Variants in TAFA2 observed in about 807,000 individuals in gnomAD.
TAFA2 encodes chemokine-like protein TAFA-2.
TAFA2 carries 7 observed loss-of-function variants against 18.8 expected under a neutral mutation model. That is an observed-to-expected ratio of 0.37 (90% CI 0.21 to 0.70). The LOEUF (loss-of-function observed/expected upper bound fraction) is 0.70, where lower values mean the gene tolerates loss of function less well. Among genes scored for constraint, TAFA2 ranks in the 30% least tolerant of loss-of-function variants. The pLI, the probability that TAFA2 is intolerant of heterozygous loss-of-function variation, is 0.53. For synonymous variants in TAFA2, 60 were observed against 54.2 expected (o/e 1.11, Z -0.47); for missense variants, 122 against 158.1 (o/e 0.77, Z 1.23).
chr12:61,954,889 G>T (rs1446703256), intron 1 of TAFA2, among the ~76,000 whole-genome samples: 2 of 152,068 alleles, frequency 1.3e-5, no homozygotes, highest in Admixed American at 6.5e-5. Context: ...CTATTTCAGG[G>T]TTCATTGACT....
intron 1 of TAFA2, among the ~76,000 whole-genome samples, chr12:61,900,285 T>A (rs191286409): frequency 6.6e-6 from 1 of 152,200 alleles, no homozygotes; most frequent in East Asian, 1.9e-4. Flanking sequence ...GCCTAAATAG[T>A]TTTCCAAAGT....
At chr12:61,757,055 TG>T (rs1337723145) in intron 2 of TAFA2, among the ~76,000 whole-genome samples, 1 of 152,056 alleles carries the variant, frequency 6.6e-6, no homozygotes, top group East Asian at 1.9e-4. Context: ...TCTTCCTGCA[TG>T]GGAAATCTTT....
chr12:61,983,578 T>C (rs1032704660), intron 1 of TAFA2, among the ~76,000 whole-genome samples: 2 of 152,194 alleles, frequency 1.3e-5, no homozygotes, highest in Non-Finnish European at 2.9e-5. Flanking sequence ...CAGATAGTTT[T>C]TGTATTTTTA....
intron 1 of TAFA2, among the ~76,000 whole-genome samples, chr12:62,121,702 A>G (rs1470495813): frequency 6.6e-6 from 1 of 152,224 alleles, no homozygotes; most frequent in Non-Finnish European, 1.5e-5. Flanking sequence ...TCATGCCTCT[A>G]TTCAATCACT....
chr12:61,833,361 G>C (rs909746715), intron 2 of TAFA2, among the ~76,000 whole-genome samples: 47 of 151,608 alleles, frequency 3.1e-4, no homozygotes, highest in African/African-American at 1.1e-3. Context: ...CTATGGCCTA[G>C]TCAGTAGAGT....
chr12:61,740,026 A>G (rs1024478516), intron 4 of TAFA2, among the ~76,000 whole-genome samples: 1 of 152,100 alleles, frequency 6.6e-6, no homozygotes, highest in Non-Finnish European at 1.5e-5. Flanking sequence ...TTGCAAAGCA[A>G]AGATTGCATT....
intron 1 of TAFA2, among the ~76,000 whole-genome samples, chr12:62,098,443 C>T (rs74930899): frequency 0.054 from 8,244 of 152,214 alleles, 335 homozygotes; most frequent in Non-Finnish European, 0.083. Flanking sequence ...GGCTATGTTC[C>T]CTGCCATGTG....
intron 1 of TAFA2, among the ~76,000 whole-genome samples, chr12:61,999,597 A>C (rs1880312827): frequency 6.6e-6 from 1 of 152,184 alleles, no homozygotes; most frequent in African/African-American, 2.4e-5. Context: ...AGTTCTGTAG[A>C]GAACAATTTG....
chr12:61,784,197 A>C (rs1169404202), intron 2 of TAFA2, among the ~76,000 whole-genome samples: 1 of 151,602 alleles, frequency 6.6e-6, no homozygotes, highest in Non-Finnish European at 1.5e-5. Context: ...ACAAAAAGAT[A>C]GGGAGCTAAA....
intron 1 of TAFA2, among the ~76,000 whole-genome samples, chr12:62,241,599 T>C (rs988942664): frequency 3.3e-5 from 5 of 152,212 alleles, no homozygotes; most frequent in African/African-American, 9.7e-5. Context: ...GTGGCTTTCA[T>C]TGCAGAGTTG....
chr12:61,889,032 A>G (rs946533500), intron 1 of TAFA2, among the ~76,000 whole-genome samples: 1 of 152,270 alleles, frequency 6.6e-6, no homozygotes, highest in Admixed American at 6.5e-5. Context: ...ATTGCTAACT[A>G]TCTGAGTGAG....
At position 62,015,010 on chromosome 12, in the gene TAFA2, A is replaced by T. The variant is rs540086539; in HGVS notation, c.-1-147584T>A. 7.2e-5 allele frequency among the ~76,000 whole-genome samples: 11 copies of T among 152,310 alleles called. No individual in the cohort carries two copies. In the South Asian group the frequency reaches 2.3e-3, roughly 32 times the overall value. ...ATTAAACCAAAACTGTTTTCCAAAA[A>T]AGTCTATCCTAGCAACTCTTCTAGT... On this transcript the variant is annotated intron_variant, in intron 1 of 4. Coordinates refer to ENST00000416284, the MANE Select transcript of TAFA2 (RefSeq NM_178539.5).
At chr12:61,990,130 G>A (rs1224420679) in intron 1 of TAFA2, among the ~76,000 whole-genome samples, 1 of 151,948 alleles carries the variant, frequency 6.6e-6, no homozygotes, top group Non-Finnish European at 1.5e-5. Flanking sequence ...GCTAGTACTT[G>A]GAAGCCAATG....
At chr12:62,054,143 T>C (rs348633) in intron 1 of TAFA2, among the ~76,000 whole-genome samples, 125,632 of 152,124 alleles carry the variant, frequency 0.83, 52,069 homozygotes, top group Middle Eastern at 0.87. Context: ...GGCAGGATAC[T>C]AAAGCAATGT....
intron 1 of TAFA2, among the ~76,000 whole-genome samples, chr12:62,060,426 T>C (rs1882314270): frequency 6.6e-6 from 1 of 152,230 alleles, no homozygotes. Context: ...GTAGTGATGC[T>C]GGTGTAAACA....
chr12:61,880,466 CT>C, intron 1 of TAFA2: 1 of 537,576 alleles, frequency 1.9e-6, no homozygotes, highest in Non-Finnish European at 3.8e-6. Flanking sequence ...GAATGTCAAG[CT>C]GGCCCTGGAC....
chr12:61,870,231 G>A, intron 1 of TAFA2, among the ~76,000 whole-genome samples: 1 of 152,158 alleles, frequency 6.6e-6, no homozygotes, highest in South Asian at 2.1e-4. Flanking sequence ...ACTACCTCCA[G>A]AATATCTCTC....
chr12:62,047,829 C>G (rs1881949591), intron 1 of TAFA2, among the ~76,000 whole-genome samples: 1 of 152,076 alleles, frequency 6.6e-6, no homozygotes, highest in Admixed American at 6.6e-5. Flanking sequence ...CAGAATGCAT[C>G]TAAATGGAGG....
At chr12:61,949,390 T>C (rs553433569) in intron 1 of TAFA2, among the ~76,000 whole-genome samples, 85 of 152,138 alleles carry the variant, frequency 5.6e-4, no homozygotes, top group African/African-American at 2.0e-3. Flanking sequence ...AGTCACACCA[T>C]CAACTCTCCC....
Sources: gnomAD v4.1 joint callset for allele counts (sites outside exome capture counted in the v4.1 genomes callset) on GRCh38, gnomAD v4.1.1 for gene constraint, MANE v1.5 for transcripts, NCBI Gene and HGNC (gene_info 2026-07-23, HGNC 2026-07-21) for gene names.